The following CRY1 variants were observed in gnomAD, a reference collection of about 807,000 sequenced individuals.
The protein encoded by CRY1 is cryptochrome circadian regulator 1.
In CRY1, 45 loss-of-function variants were observed where a neutral mutation model predicts 76.0. The observed-to-expected ratio is 0.59, with a 90% CI of 0.47 to 0.76. The LOEUF is 0.76. CRY1 is among the 30% of genes least tolerant of loss of function. The pLI is 0.00. For synonymous variants in CRY1, 248 were observed against 244.0 expected, an observed-to-expected ratio of 1.02 and a Z score of -0.15; for missense variants, 587 against 716.4, an observed-to-expected ratio of 0.82 and a Z score of 2.06.
intron 1 of CRY1, among the ~76,000 whole-genome samples, chr12:107,034,349 G>A (rs148794288): frequency 2.0e-5 from 3 of 152,108 alleles, no homozygotes; most frequent in East Asian, 1.9e-4. Context: ...CCACTTTTCC[G>A]GAAAACTCAT....
intron 10 of CRY1, among the ~76,000 whole-genome samples, chr12:106,994,280 G>A (rs1222468234): frequency 4.6e-5 from 7 of 152,080 alleles, no homozygotes; most frequent in Non-Finnish European, 7.4e-5. Flanking sequence ...CCCATTTCCA[G>A]GTCTAAAATG....
At chr12:106,993,118 T>C in intron 10 of CRY1, 82 bp from the exon 11 acceptor site, 1 of 1,332,198 alleles carries the variant, frequency 7.5e-7, no homozygotes, top group Non-Finnish European at 1.1e-6. Context: ...ATCCAACTTT[T>C]AGCGCTTGTA....
rs1487495863 is a variant in CRY1, at chr12:107,071,027, A to AGAAT, written c.158+21776_158+21777insATTC. Among the ~76,000 whole-genome samples, 23 of 151,952 alleles carry AGAAT rather than the reference A, an allele frequency of 1.5e-4. No homozygotes were observed. The East Asian group carries it at 4.3e-3, about 28-fold the overall frequency. ...CCTGGATTCTCTTATTATTAATAGT[A>AGAAT]CCTTTTCAGTTGATTCTCCTAGATA... is the stretch of plus-strand genomic sequence containing the variant. On this transcript the variant is annotated intron_variant, in intron 1 of 12. Coordinates refer to ENST00000008527, the MANE Select transcript of CRY1 (RefSeq NM_004075.5).
chr12:107,092,329 C>T (rs573460822), intron 1 of CRY1, among the ~76,000 whole-genome samples: 1 of 152,274 alleles, frequency 6.6e-6, no homozygotes, highest in Non-Finnish European at 1.5e-5. Context: ...CCTTGCTTTT[C>T]CCACAGTAAC....
rs532123702 is a variant in CRY1 at position 107,021,481 on chromosome 12, G to A, written c.267+603C>T. ...AGGCCTACAGAGAAAATAATTAAAC[G>A]TTCAGTAGAAAGCTAGTTTAAAAAA... is the stretch of plus-strand genomic sequence containing the variant. On this transcript the variant is annotated intron_variant, in intron 2 of 12. Transcript: ENST00000008527. Among the ~76,000 whole-genome samples, 140 of 152,104 alleles carry A rather than the reference G, an allele frequency of 9.2e-4. 5 individuals carry two copies. In the South Asian group the frequency reaches 0.028, roughly 30 times the overall value.
chr12:107,010,456 A>G (rs1039441246), intron 2 of CRY1, among the ~76,000 whole-genome samples: 4 of 152,172 alleles, frequency 2.6e-5, no homozygotes, highest in African/African-American at 9.7e-5. Flanking sequence ...CATTTTATAA[A>G]TCAAAGGCTA....
intron 1 of CRY1, among the ~76,000 whole-genome samples, chr12:107,052,571 G>A (rs536477276): frequency 3.9e-5 from 6 of 152,272 alleles, no homozygotes; most frequent in Non-Finnish European, 7.4e-5. Flanking sequence ...GGGAAACTGG[G>A]ACTTCAGGGA....
In CRY1 at chr12:107,000,539, G is replaced by A. The variant is rs528851627; in HGVS notation, c.685-457C>T. ...TAATTTTTGTATTTTTAGTAGGGAT[G>A]GGATTTCACCATGTTGGCCAGGCTG... On this transcript the variant is annotated intron_variant, in intron 5 of 12. Transcript: ENST00000008527. 2.5e-4 allele frequency among the ~76,000 whole-genome samples: 38 copies of A among 152,136 alleles called. No homozygotes were observed. The South Asian group carries it at 7.3e-3, about 29-fold the overall frequency.
chr12:107,027,483 T>A (rs7298197), intron 1 of CRY1, among the ~76,000 whole-genome samples: 20,733 of 152,100 alleles, frequency 0.14, 2,500 homozygotes, highest in African/African-American at 0.31. Context: ...ACTCACTATA[T>A]CCCTTCATAT....
chr12:107,065,488 G>A (rs952970909), intron 1 of CRY1, among the ~76,000 whole-genome samples: 6 of 151,868 alleles, frequency 4.0e-5, no homozygotes, highest in Non-Finnish European at 7.4e-5. Context: ...CCAGCTACTC[G>A]GGAGACTGAG....
chr12:107,041,969 T>C (rs1293014680), intron 1 of CRY1, among the ~76,000 whole-genome samples: 1 of 152,180 alleles, frequency 6.6e-6, no homozygotes, highest in Non-Finnish European at 1.5e-5. Context: ...CATTTCATAG[T>C]GTCAGAAAAA....
At chr12:107,030,001 A>T (rs1952658314) in intron 1 of CRY1, among the ~76,000 whole-genome samples, 1 of 152,196 alleles carries the variant, frequency 6.6e-6, no homozygotes, top group Non-Finnish European at 1.5e-5. Flanking sequence ...CTGAAGTATC[A>T]ATACAATAGC....
chr12:107,048,111 T>C (rs1057322511), intron 1 of CRY1, among the ~76,000 whole-genome samples: 1 of 152,094 alleles, frequency 6.6e-6, no homozygotes, highest in Non-Finnish European at 1.5e-5. Flanking sequence ...GATGGACTCT[T>C]GCTCTGTCGC....
chr12:107,046,355 C>T (rs1011886640), intron 1 of CRY1, among the ~76,000 whole-genome samples: 2 of 151,064 alleles, frequency 1.3e-5, no homozygotes, highest in African/African-American at 2.4e-5. Flanking sequence ...ATCACTATCA[C>T]GTAAATATGC....
chr12:107,008,332 CT>C (rs1329329292), intron 2 of CRY1, among the ~76,000 whole-genome samples: 3 of 152,178 alleles, frequency 2.0e-5, no homozygotes, highest in African/African-American at 7.2e-5. Flanking sequence ...CAGTAATACA[CT>C]AAGTATTTAT....
chr12:107,003,730 A>C (rs1212156873), intron 3 of CRY1, among the ~76,000 whole-genome samples: 1 of 152,212 alleles, frequency 6.6e-6, no homozygotes, highest in African/African-American at 2.4e-5. Flanking sequence ...CTTAGGACAA[A>C]ACATTTTCTA....
chr12:107,003,101 C>T (rs185918000), intron 3 of CRY1, among the ~76,000 whole-genome samples: 65 of 152,238 alleles, frequency 4.3e-4, no homozygotes, highest in African/African-American at 1.6e-3. Flanking sequence ...GTGACAATTA[C>T]TTCCTATTTT....
intron 1 of CRY1, among the ~76,000 whole-genome samples, chr12:107,045,104 G>A (rs1306162973): frequency 6.6e-6 from 1 of 151,948 alleles, no homozygotes; most frequent in Non-Finnish European, 1.5e-5. Flanking sequence ...AAGACAAAGA[G>A]AGAATTCTAA....
At chr12:107,016,082 G>C (rs1305109561) in intron 2 of CRY1, among the ~76,000 whole-genome samples, 1 of 152,192 alleles carries the variant, frequency 6.6e-6, no homozygotes, top group Non-Finnish European at 1.5e-5. Context: ...GGCAAAGGCA[G>C]GTAGACCACT....
Sources: gnomAD v4.1 joint callset for allele counts (sites outside exome capture counted in the v4.1 genomes callset) on GRCh38, gnomAD v4.1.1 for gene constraint, MANE v1.5 for transcripts, NCBI Gene and HGNC (gene_info 2026-07-23, HGNC 2026-07-21) for gene names.